MBD1: variants seen among roughly 807,000 people sequenced by gnomAD.
MBD1 encodes the protein methyl-CpG-binding domain protein 1.
In MBD1, 25 loss-of-function variants were observed where a neutral mutation model predicts 82.6. The ratio of observed to expected loss-of-function variants is 0.30; its 90% CI spans 0.22 to 0.42. The LOEUF (loss-of-function observed/expected upper bound fraction) is 0.42. MBD1 is among the 10% of genes least tolerant of loss of function. The pLI is 1.00. For missense variants in MBD1, 627 were observed against 819.6 expected (o/e 0.76, Z 2.87); for synonymous variants, 301 against 303.7 (o/e 0.99, Z 0.09).
rs192647661 is a variant in MBD1, at chr18:50,279,031, T to A, written c.110+852A>T. Among the ~76,000 whole-genome samples, 229 of 152,380 alleles carry A rather than the reference T, an allele frequency of 1.5e-3. 1 individual carries two copies. Among genetic ancestry groups the A allele is most frequent in the Non-Finnish European group, 2.4e-3 (161 of 68,032 alleles). On this transcript the variant is annotated intron_variant, in intron 2 of 16. Coordinates refer to ENST00000269468, the MANE Select transcript of MBD1 (RefSeq NM_015846.4). ...CTGTACAACACTTAACAGGTATTTTTAAAATTCTTCGGAAGACTCCTGATC... is the reference window on the plus strand; with the variant it reads ...CTGTACAACACTTAACAGGTATTTTAAAAATTCTTCGGAAGACTCCTGATC...
At position 50,273,794 on chromosome 18, in the gene MBD1, G is replaced by A. The variant is rs771313933; in HGVS notation, c.1216C>T (p.Arg406Ter). Reference sequence around the variant, plus strand: ...CGTCGGGCAGAGCTGGGCCTCTTTCGACGACGGTAAGGTGGGGGCGATCCT... The same window carrying A: ...CGTCGGGCAGAGCTGGGCCTCTTTCAACGACGGTAAGGTGGGGGCGATCCT... Reference protein sequence around the residue: ...GAGSPPPYRRRKRPSSARRHH... With the variant: ...GAGSPPPYRR The change falls in exon 12 of 17, where the codon CGA (arginine) becomes TGA (stop). Residue 406 changes from arginine to a stop codon, truncating the protein, a stop_gained. Coordinates refer to ENST00000269468, the MANE Select transcript of MBD1 (RefSeq NM_015846.4). LOFTEE classifies it high-confidence loss of function. The A allele has an allele frequency of 6.2e-7, 1 of 1,613,946 alleles. No individual in the cohort carries two copies. The highest frequency in any genetic ancestry group is 8.5e-7 in the Non-Finnish European group (1 of 1,180,032).
chr18:50,274,103 T>A (rs2036760888), intron 11 of MBD1, 83 bp downstream of exon 11: 7 of 1,554,792 alleles, frequency 4.5e-6, no homozygotes, highest in East Asian at 4.5e-5. Flanking sequence ...CCCACCCACC[T>A]ACCAAGCCTG....
chr18:50,273,801 G>A lies in MBD1; in HGVS notation c.1209C>T (p.Tyr403=). Residue 403 remains tyrosine (Y), a synonymous_variant, in exon 12 of 17, where the codon TAC becomes TAT. Transcript: ENST00000269468. The part of the protein sequence containing the change: ...SEDGAGSPPP[Y]RRRKRPSSAR... The stretch of plus-strand genomic sequence containing the variant: ...CAGAGCTGGGCCTCTTTCGACGACG[G>A]TAAGGTGGGGGCGATCCTGCCCCAT... The A allele has an allele frequency of 6.2e-7, 1 of 1,613,898 alleles. No homozygotes were observed. The highest frequency in any genetic ancestry group is 8.5e-7 in the Non-Finnish European group (1 of 1,180,030).
chr18:50,275,507 A>G (rs987654401), intron 8 of MBD1, 93 bp downstream of exon 8: 1 of 1,606,784 alleles, frequency 6.2e-7, no homozygotes, highest in African/African-American at 1.3e-5. Context: ...CAGAAAAGAA[A>G]GACATGAGGT....
chr18:50,275,647 G>A lies in MBD1; in HGVS notation c.745C>T (p.Pro249Ser), dbSNP rs1323017451. The A allele has an allele frequency of 6.2e-7, 1 of 1,614,096 alleles. No homozygotes were observed. The highest frequency in any genetic ancestry group is 8.5e-7 in the Non-Finnish European group (1 of 1,180,038). ...CATTTCCACTGGCGCCTGAGACCAG[G>A]GCGGGGAGGGCGAAGGCAGATGGGG... ...HCPICLRPPRPGLRRQWKCVQ... is the reference protein window; with the variant it reads ...HCPICLRPPRSGLRRQWKCVQ... The change falls in exon 8 of 17, where the codon CCT becomes TCT. Residue 249 changes from proline (P) to serine (S), a missense_variant. Physicochemically the swap from Pro to Ser is moderately conservative, Grantham distance 74. Coordinates refer to ENST00000269468, the MANE Select transcript of MBD1 (RefSeq NM_015846.4).
Position 50,275,693 on chromosome 18 carries a change from G to A in MBD1, c.699C>T (p.Thr233=), listed in dbSNP as rs1434985893. The stretch of plus-strand genomic sequence containing the variant: ...TGGGGCAATGGCCACAATCCTCTTG[G>A]GTCTGACAGCCCCGGCATACTCCAC... The part of the protein sequence containing the change: ...RGCGVCRGCQ[T]QEDCGHCPIC... Residue 233 remains threonine, a synonymous_variant, in exon 8 of 17, where the codon ACC becomes ACT. Transcript: ENST00000269468. The A allele has an allele frequency of 6.2e-7, 1 of 1,614,186 alleles. No individual in the cohort carries two copies. The highest frequency in any genetic ancestry group is 1.1e-5 in the South Asian group (1 of 91,090).
Position 50,275,199 on chromosome 18 carries a change from G to A in MBD1, c.839C>T (p.Ala280Val). Residue 280 changes from alanine to valine, a missense_variant, in exon 9 of 17, where the codon GCC becomes GTC. This residue lies in a region of MBD1 where 228 missense variants were observed against 318.1 expected (regional missense o/e 0.72). Coordinates refer to ENST00000269468, the MANE Select transcript of MBD1 (RefSeq NM_015846.4). The part of the protein sequence containing the change: ...RKGGCDSKMA[A>V]RRRPGAQPLP... ...TGGCTGGGCTCCGGGGCGCCGCCTG[G>A]CAGCCATCTTGGAGTCACAGCCTCC... The A allele has an allele frequency of 6.2e-7, 1 of 1,614,154 alleles. No individual in the cohort carries two copies. The highest frequency in any genetic ancestry group is 8.5e-7 in the Non-Finnish European group (1 of 1,180,022).
chr18:50,269,403 T>C lies in MBD1; in HGVS notation c.*448A>G. ...AGTAAGATGGGCCACAAGAGACATT[T>C]TGCTTGATAACCGGAGGGCGGAAGT... On this transcript the variant is annotated 3_prime_UTR_variant, in exon 17 of 17. Coordinates refer to ENST00000269468, the MANE Select transcript of MBD1 (RefSeq NM_015846.4). 1.8e-6 allele frequency: 2 copies of C among 1,110,626 alleles called. No individual in the cohort carries two copies. The highest frequency in any genetic ancestry group is 2.5e-6 in the Non-Finnish European group (2 of 805,900). 68.8% of individuals were successfully genotyped at this position (1,110,626 alleles called of 1,614,324 possible).
At chr18:50,279,841 G>T in intron 2 of MBD1, 42 bp downstream of exon 2, 1 of 1,613,028 alleles carries the variant, frequency 6.2e-7, no homozygotes. Flanking sequence ...CCAGAATCAG[G>T]CTCTACCCCA....
intron 13 of MBD1, 172 bp from the exon 14 acceptor site, chr18:50,273,127 C>T (rs1321059781): frequency 2.5e-5 from 30 of 1,200,676 alleles, no homozygotes; most frequent in South Asian, 1.0e-4. Flanking sequence ...CACTGACCTC[C>T]GTTTTTCTGT....
intron 16 of MBD1, chr18:50,270,569 A>C (rs1186510995): frequency 1.8e-5 from 6 of 338,510 alleles, no homozygotes; most frequent in Non-Finnish European, 2.3e-5. Context: ...GCTCTGGCTG[A>C]AGAGGGGGAG....
In MBD1 at chr18:50,269,568, C is replaced by T; in HGVS notation, c.*283G>A. On this transcript the variant is annotated 3_prime_UTR_variant, in exon 17 of 17. Coordinates refer to ENST00000269468, the MANE Select transcript of MBD1 (RefSeq NM_015846.4). ...GTCAGGCCTGCAGCCAGGCCTGCAG[C>T]TGCTCCACCTTCCCCAGGATCATCC... The T allele has an allele frequency of 1.4e-6, 1 of 718,494 alleles. No homozygotes were observed. 44.5% of individuals were successfully genotyped at this position (718,494 alleles called of 1,614,324 possible). A position where few individuals can be genotyped will look rare whatever the true frequency, so the allele number is the denominator to read the frequency against.
intron 2 of MBD1, among the ~76,000 whole-genome samples, chr18:50,278,484 T>A (rs747082368): frequency 1.1e-4 from 16 of 152,256 alleles, no homozygotes; most frequent in Non-Finnish European, 1.2e-4. Context: ...AGGTTCTTTA[T>A]AGTTCTTGAC....
intron 2 of MBD1, among the ~76,000 whole-genome samples, chr18:50,277,786 T>A (rs1338582457): frequency 6.6e-6 from 1 of 152,132 alleles, no homozygotes. Context: ...AGATAGGGTC[T>A]CCTTCCATAG....
At position 50,281,517 on chromosome 18, in the gene MBD1, T is replaced by G. The variant is rs182085401; in HGVS notation, c.-180A>C. The G allele has an allele frequency of 2.2e-4, 127 of 577,802 alleles. No homozygotes were observed. The highest frequency in any genetic ancestry group is 2.2e-3 in the African/African-American group (115 of 53,476). 35.8% of individuals were successfully genotyped at this position (577,802 alleles called of 1,614,324 possible). Reference sequence around the variant, plus strand: ...AGCTGTCGCCTCCGCGGCTGTTCGTTGCTCCCGGAACCGGAAGTCCGCTGC... The same window carrying G: ...AGCTGTCGCCTCCGCGGCTGTTCGTGGCTCCCGGAACCGGAAGTCCGCTGC... On this transcript the variant is annotated 5_prime_UTR_variant, in exon 1 of 17. Transcript: ENST00000269468.
At chr18:50,278,850 A>AT (rs1004512202) in intron 2 of MBD1, among the ~76,000 whole-genome samples, 10 of 151,516 alleles carry the variant, frequency 6.6e-5, no homozygotes, top group Admixed American at 1.3e-4. Context: ...CTTAATACAT[A>AT]TTTTTTTTTA....
intron 1 of MBD1, chr18:50,281,113 T>G: frequency 6.6e-7 from 1 of 1,513,450 alleles, no homozygotes; most frequent in Non-Finnish European, 8.9e-7. Context: ...TTTAGCGTTC[T>G]GATCTCCACC....
chr18:50,274,123 T>C, intron 11 of MBD1, 63 bp downstream of exon 11: 2 of 1,600,612 alleles, frequency 1.2e-6, no homozygotes, highest in South Asian at 2.2e-5. Context: ...GCCCACCACT[T>C]CCAGGCACTG....
chr18:50,272,910 G>C lies in MBD1; in HGVS notation c.1630C>G (p.Pro544Ala), dbSNP rs779715527. 1 of 1,614,184 alleles carries C rather than the reference G, an allele frequency of 6.2e-7. No individual in the cohort carries two copies. The highest frequency in any genetic ancestry group is 8.5e-7 in the Non-Finnish European group (1 of 1,180,040). ...TTGTTCTCCTCCTTGTCCTCCTCTG[G>C]GTCAGGTGGCTCTTGCTTCACAGAA... ...LPSVKQEPPD[P>A]EEDKEENKDD... The change falls in exon 14 of 17, where the codon CCA (proline) becomes GCA (alanine). Residue 544 changes from proline (P) to alanine (A), a missense_variant. Pro to Ala is a conservative substitution (Grantham distance 27). Transcript: ENST00000269468.
Sources: gnomAD v4.1 joint callset for allele counts (sites outside exome capture counted in the v4.1 genomes callset) on GRCh38, gnomAD v4.1.1 for gene constraint, gnomAD v4.1.1 regional missense constraint, MANE v1.5 for transcripts, NCBI Gene and HGNC (gene_info 2026-07-23, HGNC 2026-07-21) for gene names.